STAG1: variants seen among roughly 807,000 people sequenced by gnomAD.
The protein encoded by STAG1 is STAG1 cohesin complex component.
Under a neutral mutation model 170.9 loss-of-function variants are expected in STAG1, and 26 were observed. That is an observed-to-expected ratio of 0.15 (90% CI 0.11 to 0.21). The LOEUF is 0.21. Ranked by LOEUF, STAG1 falls within the 10% of genes least tolerant of loss-of-function variation. The pLI is 1.00. For missense variants in STAG1, 964 were observed against 1,509.5 expected, an observed-to-expected ratio of 0.64 and a Z score of 5.99; for synonymous variants, 514 against 497.7, an observed-to-expected ratio of 1.03 and a Z score of -0.44.
At chr3:136,634,974 C>T (rs1231892916) in intron 1 of STAG1, among the ~76,000 whole-genome samples, 1 of 152,038 alleles carries the variant, frequency 6.6e-6, no homozygotes, top group African/African-American at 2.4e-5. Flanking sequence ...AGAACTATAA[C>T]GAGACACTGA....
At chr3:136,397,229 T>C (rs1384818981) in intron 22 of STAG1, among the ~76,000 whole-genome samples, 2 of 152,260 alleles carry the variant, frequency 1.3e-5, no homozygotes, top group South Asian at 2.1e-4. Context: ...GAAACATTTA[T>C]ATTTGTGTCA....
intron 1 of STAG1, among the ~76,000 whole-genome samples, chr3:136,642,683 C>T (rs1289426761): frequency 2.0e-5 from 3 of 152,196 alleles, no homozygotes; most frequent in Non-Finnish European, 2.9e-5. Context: ...AATTGCAAGG[C>T]TCTTCCCTTG....
chr3:136,634,480 T>A (rs928410821), intron 1 of STAG1, among the ~76,000 whole-genome samples: 10 of 151,450 alleles, frequency 6.6e-5, no homozygotes, highest in South Asian at 2.1e-4. Context: ...AATCTCAAAA[T>A]TTTTTTTTAA....
intron 14 of STAG1, 55 bp from the exon 15 acceptor site, chr3:136,443,459 T>C (rs2088689179): frequency 8.3e-7 from 1 of 1,203,300 alleles, no homozygotes; most frequent in Non-Finnish European, 1.2e-6. Flanking sequence ...AAACTACTAA[T>C]ACTAATTTGA....
At chr3:136,751,570 G>C (rs1215305513) in intron 1 of STAG1, among the ~76,000 whole-genome samples, 1 of 152,046 alleles carries the variant, frequency 6.6e-6, no homozygotes, top group Non-Finnish European at 1.5e-5. Flanking sequence ...GGAAAGCCCA[G>C]CATTGATGCA....
In STAG1 at chr3:136,387,824, C is replaced by G. The variant is rs964081471; in HGVS notation, c.2278-10072G>C. On this transcript the variant is annotated intron_variant, in intron 22 of 33. Transcript: ENST00000383202. ...AACCCTTAAGCTGCCTACTGTAGTT[C>G]CAAAACATCTTCTGATTTCTTTCCT... Among the ~76,000 whole-genome samples the G allele has an allele frequency of 2.6e-5, 4 of 152,236 alleles. No individual in the cohort carries two copies. In the East Asian group the frequency reaches 7.7e-4, roughly 29 times the overall value.
In STAG1 at chr3:136,702,075, AAGAGAGAGAGAG is replaced by A. The variant is rs745623191; in HGVS notation, c.-84+50108_-84+50119del. On this transcript the variant is annotated intron_variant, in intron 1 of 33. Coordinates refer to ENST00000383202, the MANE Select transcript of STAG1 (RefSeq NM_005862.3). ...CTACAGGCATGCACCACCATGCCGA[AAGAGAGAGAGAG>A]AGAGAGAGAGAGAGAGAGAGAGAGA... 9.5e-3 allele frequency among the ~76,000 whole-genome samples: 873 copies of A among 92,164 alleles called. 9 individuals carry two copies. Among genetic ancestry groups the A allele is most frequent in the African/African-American group, 0.031 (684 of 21,764 alleles). 60.5% of individuals were successfully genotyped at this position (92,164 alleles called of 152,430 possible). A position where few individuals can be genotyped will look rare whatever the true frequency, so the allele number is the denominator to read the frequency against.
intron 3 of STAG1, among the ~76,000 whole-genome samples, chr3:136,614,206 A>C (rs1939461670): frequency 6.6e-6 from 1 of 152,044 alleles, no homozygotes; most frequent in Non-Finnish European, 1.5e-5. Flanking sequence ...ACAGAGAAAG[A>C]CTCTGCCTCA....
chr3:136,354,436 G>C (rs1329957025), intron 28 of STAG1, among the ~76,000 whole-genome samples: 2 of 151,994 alleles, frequency 1.3e-5, no homozygotes, highest in Non-Finnish European at 2.9e-5. Flanking sequence ...CAAGTAGCTT[G>C]GATTACAGGC....
intron 20 of STAG1, among the ~76,000 whole-genome samples, chr3:136,418,184 T>C (rs912559699): frequency 1.3e-5 from 2 of 151,610 alleles, no homozygotes; most frequent in African/African-American, 4.8e-5. Flanking sequence ...TGAAACCCTG[T>C]CTCTATTAAA....
At chr3:136,619,440 T>G (rs181409631) in intron 3 of STAG1, among the ~76,000 whole-genome samples, 1 of 151,470 alleles carries the variant, frequency 6.6e-6, no homozygotes, top group African/African-American at 2.4e-5. Context: ...TCATATTGGG[T>G]AGAGGTGGCG....
chr3:136,393,497 A>G (rs2108331358), intron 22 of STAG1, among the ~76,000 whole-genome samples: 1 of 152,156 alleles, frequency 6.6e-6, no homozygotes, highest in South Asian at 2.1e-4. Context: ...ACACAGCAAG[A>G]TTCTGTCTCA....
chr3:136,562,231 G>GTC (rs1340463499), intron 5 of STAG1, among the ~76,000 whole-genome samples: 1 of 146,280 alleles, frequency 6.8e-6, no homozygotes, highest in African/African-American at 2.5e-5. Flanking sequence ...CATTTCTTCA[G>GTC]TCTACTTTAA....
intron 13 of STAG1, among the ~76,000 whole-genome samples, chr3:136,456,519 C>T (rs1266268718): frequency 1.3e-5 from 2 of 152,046 alleles, no homozygotes; most frequent in Admixed American, 1.3e-4. Flanking sequence ...GGGACACGTT[C>T]AAGCAAACTA....
intron 1 of STAG1, among the ~76,000 whole-genome samples, chr3:136,708,823 AT>A (rs1943300328): frequency 6.7e-6 from 1 of 150,168 alleles, no homozygotes; most frequent in African/African-American, 2.5e-5. Flanking sequence ...GTTTTGTAAC[AT>A]GTAGTAAATC....
intron 4 of STAG1, among the ~76,000 whole-genome samples, chr3:136,587,965 A>G (rs536370693): frequency 6.6e-6 from 1 of 152,338 alleles, no homozygotes; most frequent in South Asian, 2.1e-4. Flanking sequence ...GTTTATCTCA[A>G]AAAAAACAAA....
At chr3:136,633,997 C>A (rs1173958962) in intron 1 of STAG1, among the ~76,000 whole-genome samples, 6 of 57,362 alleles carry the variant, frequency 1.0e-4, no homozygotes, top group Non-Finnish European at 2.6e-4. Flanking sequence ...AAAAATTAGC[C>A]AGGCATGGTG....
intron 1 of STAG1, among the ~76,000 whole-genome samples, chr3:136,742,530 T>C (rs1317575942): frequency 6.6e-6 from 1 of 151,908 alleles, no homozygotes; most frequent in African/African-American, 2.4e-5. Context: ...CTAGCTAACA[T>C]GGCAAAACCC....
chr3:136,371,044 C>T (rs576456499), intron 23 of STAG1, among the ~76,000 whole-genome samples: 2,671 of 152,080 alleles, frequency 0.018, 66 homozygotes, highest in African/African-American at 0.055. Context: ...TTTTAATGAT[C>T]GCCATTCTAA....
Sources: gnomAD v4.1 joint callset for allele counts (sites outside exome capture counted in the v4.1 genomes callset) on GRCh38, gnomAD v4.1.1 for gene constraint, MANE v1.5 for transcripts, NCBI Gene and HGNC (gene_info 2026-07-23, HGNC 2026-07-21) for gene names.